The following TMEM217 variants were observed in gnomAD, a reference collection of about 807,000 sequenced individuals.
TMEM217 encodes transmembrane protein 217, also known as chromosome 6 open reading frame 128.
For missense variants in TMEM217, 204 were observed against 248.8 expected (o/e 0.82, Z 1.21); for synonymous variants, 76 against 88.3 (o/e 0.86, Z 0.78).
downstream of TMEM217, chr6:37,215,423 A>C (rs1020702554): frequency 9.0e-7 from 1 of 1,106,002 alleles, no homozygotes; most frequent in African/African-American, 1.6e-5. Context: ...AAAGATACAA[A>C]AATTAGCTGG....
downstream of TMEM217, chr6:37,215,143 C>T: frequency 6.2e-7 from 1 of 1,602,160 alleles, no homozygotes; most frequent in Non-Finnish European, 8.5e-7. Flanking sequence ...GGCCTAACTT[C>T]CCTTTCTGCC....
intron 1 of TMEM217, among the ~76,000 whole-genome samples, chr6:37,221,637 A>C (rs1413051936): frequency 5.3e-5 from 8 of 152,248 alleles, no homozygotes; most frequent in Admixed American, 2.0e-4. Context: ...ATGAAGAAAC[A>C]GGAAACCATA....
chr6:37,215,994 GGTGTGTGTGTGTGTGTGT>G (rs60725183), downstream of TMEM217, among the ~76,000 whole-genome samples: 8 of 149,176 alleles, frequency 5.4e-5, no homozygotes, highest in East Asian at 2.0e-4. Flanking sequence ...GGTTCTTCAG[GGTGTGTGTGTGTGTGTGT>G]GTGTGTGTGT....
downstream of TMEM217, among the ~76,000 whole-genome samples, chr6:37,216,087 A>G (rs2113803206): frequency 6.6e-6 from 1 of 151,698 alleles, no homozygotes; most frequent in South Asian, 2.1e-4. Flanking sequence ...TTATTTATTT[A>G]TTTATTTTTG....
chr6:37,215,994 GGTGT>G (rs60725183), downstream of TMEM217, among the ~76,000 whole-genome samples: 1,590 of 149,172 alleles, frequency 0.011, 16 homozygotes, highest in African/African-American at 0.028. Context: ...GGTTCTTCAG[GGTGT>G]GTGTGTGTGT....
At chr6:37,237,089 A>G (rs1764545479) in intron 1 of TMEM217, among the ~76,000 whole-genome samples, 1 of 152,104 alleles carries the variant, frequency 6.6e-6, no homozygotes, top group Non-Finnish European at 1.5e-5. Context: ...CCATAGCAAC[A>G]CGTTTCCTGG....
downstream of TMEM217, chr6:37,215,297 A>C: frequency 1.2e-6 from 2 of 1,609,528 alleles, no homozygotes; most frequent in South Asian, 1.1e-5. Context: ...ACAAATAAAA[A>C]AACAAATGAA....
At chr6:37,255,082 G>A (rs1039958236) in intron 1 of TMEM217, among the ~76,000 whole-genome samples, 2 of 152,152 alleles carry the variant, frequency 1.3e-5, no homozygotes, top group Admixed American at 6.5e-5. Flanking sequence ...CTGCTGTGCG[G>A]CCTGGTTCCT....
At chr6:37,247,717 G>A (rs889116445) in intron 1 of TMEM217, among the ~76,000 whole-genome samples, 3 of 152,116 alleles carry the variant, frequency 2.0e-5, no homozygotes, top group Non-Finnish European at 4.4e-5. Flanking sequence ...TGGACAACAG[G>A]AGCTTAATCC....
chr6:37,247,738 A>C (rs1040467536), intron 1 of TMEM217, among the ~76,000 whole-genome samples: 1 of 152,062 alleles, frequency 6.6e-6, no homozygotes, highest in East Asian at 1.9e-4. Flanking sequence ...TGTGAAAAAA[A>C]CTCTGAGAAA....
At chr6:37,218,026 G>C in exon 2 of TMEM217, 1 of 993,714 alleles carries the variant, frequency 1.0e-6, no homozygotes, top group Non-Finnish European at 1.2e-6. Flanking sequence ...AAGAGTGGCA[G>C]TAGGGTCTCT....
intron 1 of TMEM217, among the ~76,000 whole-genome samples, chr6:37,242,104 A>C (rs1028188225): frequency 6.6e-6 from 1 of 151,298 alleles, no homozygotes; most frequent in Non-Finnish European, 1.5e-5. Flanking sequence ...CTGAGGGAAG[A>C]GTTCTAGACT....
chr6:37,218,017 A>G (rs1050188167), exon 2 of TMEM217: 19 of 991,624 alleles, frequency 1.9e-5, no homozygotes, highest in Non-Finnish European at 4.8e-6. Context: ...TTCTCCTGAA[A>G]GAGTGGCAGT....
intron 1 of TMEM217, among the ~76,000 whole-genome samples, chr6:37,252,630 TA>T (rs1562027803): frequency 1.2e-4 from 9 of 72,982 alleles, no homozygotes; most frequent in East Asian, 1.0e-3. Flanking sequence ...TATATATATA[TA>T]TATATATTTT....
At chr6:37,242,997 G>C (rs541997433) in intron 1 of TMEM217, among the ~76,000 whole-genome samples, 23 of 152,280 alleles carry the variant, frequency 1.5e-4, no homozygotes, top group African/African-American at 5.1e-4. Flanking sequence ...GTAGCTGCAG[G>C]AGAGGCTGGG....
intron 1 of TMEM217, among the ~76,000 whole-genome samples, chr6:37,252,113 G>A (rs764085952): frequency 6.6e-6 from 1 of 152,166 alleles, no homozygotes; most frequent in Non-Finnish European, 1.5e-5. Flanking sequence ...GGCCGGTCTC[G>A]AACTCCTGAC....
downstream of TMEM217, chr6:37,212,933 A>G: frequency 6.5e-6 from 10 of 1,550,292 alleles, no homozygotes; most frequent in Non-Finnish European, 8.7e-6. Flanking sequence ...AGGACAGAGA[A>G]GATGCCCACC....
At chr6:37,252,527 T>C (rs2113929435) in intron 1 of TMEM217, among the ~76,000 whole-genome samples, 1 of 151,412 alleles carries the variant, frequency 6.6e-6, no homozygotes, top group East Asian at 1.9e-4. Context: ...CACATGCATA[T>C]ATATGTCAAC....
At chr6:37,215,570 C>CAAAAAAAAAAA (rs34808595), downstream of TMEM217, among the ~76,000 whole-genome samples, 48 of 72,366 alleles carry the variant, frequency 6.6e-4, no homozygotes, top group African/African-American at 1.7e-3. Flanking sequence ...GACTCTGTCT[C>CAAAAAAAAAAA]AAAAAAAAAA....
Sources: gnomAD v4.1 joint callset for allele counts (sites outside exome capture counted in the v4.1 genomes callset) on GRCh38, gnomAD v4.1.1 for gene constraint, MANE v1.5 for transcripts, NCBI Gene and HGNC (gene_info 2026-07-23, HGNC 2026-07-21) for gene names.